NEB: variants seen among roughly 807,000 people sequenced by gnomAD.
NEB encodes the protein nebulin.
In NEB, 512 loss-of-function variants were observed where a neutral mutation model predicts 952.2. That is an observed-to-expected ratio of 0.54 (90% CI 0.50 to 0.58). The LOEUF is 0.58. Among genes scored for constraint, NEB ranks in the 20% least tolerant of loss-of-function variants. The pLI is 0.00. For missense variants in NEB, 8,428 were observed against 9,231.1 expected (o/e 0.91, Z 3.56); for synonymous variants, 2,900 against 3,149.8 (o/e 0.92, Z 2.66).
intron 77 of NEB, among the ~76,000 whole-genome samples, chr2:151,612,845 G>A (rs1426549357): frequency 6.6e-6 from 1 of 152,050 alleles, no homozygotes; most frequent in Non-Finnish European, 1.5e-5. Context: ...GTGTTTTTTT[G>A]GGGATAAAAA....
At chr2:151,515,265 C>T (rs2077034114) in intron 157 of NEB, among the ~76,000 whole-genome samples, 1 of 152,192 alleles carries the variant, frequency 6.6e-6, no homozygotes, top group African/African-American at 2.4e-5. Flanking sequence ...CCACACCTTT[C>T]TTAAGGTGAC....
intron 135 of NEB, among the ~76,000 whole-genome samples, chr2:151,543,602 G>A (rs550993536): frequency 3.3e-4 from 50 of 152,112 alleles, no homozygotes; most frequent in Non-Finnish European, 6.2e-4. Context: ...AGTAAATCTG[G>A]GACTAAAACC....
Position 151,697,604 on chromosome 2 carries a change from T to C in NEB, c.1197A>G (p.Ile399Met). The C allele has an allele frequency of 6.2e-7, 1 of 1,612,750 alleles. No homozygotes were observed. The highest frequency in any genetic ancestry group is 8.5e-7 in the Non-Finnish European group (1 of 1,179,640). The stretch of plus-strand genomic sequence containing the variant: ...TGAATTTGGGGGTCTCGCAGTAATT[T>C]ATGCTCTTTGCTTTTGTCTTTTCAT... ...ENYEKTKAKS[I>M]NYCETPKFKL... Residue 399 changes from isoleucine (I) to methionine (M), a missense_variant, in exon 14 of 182, where the codon ATA (isoleucine) becomes ATG (methionine). Transcript: ENST00000397345.
chr2:151,535,585 G>C (rs2093006359), intron 142 of NEB, 106 bp downstream of exon 142: 1 of 636,268 alleles, frequency 1.6e-6, no homozygotes, highest in East Asian at 3.0e-5. Context: ...TGAAAACTTA[G>C]GATGGCTTTC....
chr2:151,651,404 G>A (rs2099028011), intron 52 of NEB, among the ~76,000 whole-genome samples: 1 of 152,172 alleles, frequency 6.6e-6, no homozygotes, highest in African/African-American at 2.4e-5. Flanking sequence ...GAAGATACAT[G>A]ACTAAGTAAA....
rs770889470 is a variant in NEB, at chr2:151,514,864, G to A, written c.22970C>T (p.Thr7657Met). The change falls in exon 158 of 182, where the codon ACG becomes ATG. Residue 7657 changes from threonine to methionine, a missense_variant. By Grantham distance (81) the Thr-to-Met change is moderately conservative. Transcript: ENST00000397345. The part of the protein sequence containing the change: ...KGRNLTGLEV[T>M]PALLHVKYAT... ...ATATTTGACATGTAACAAAGCTGGCGTGACCTCCAGGCCAGTCAGGTTTCT... is the reference window on the plus strand; with the variant it reads ...ATATTTGACATGTAACAAAGCTGGCATGACCTCCAGGCCAGTCAGGTTTCT... 11 of 1,588,106 alleles carry A rather than the reference G, an allele frequency of 6.9e-6. No individual in the cohort carries two copies. In the East Asian group the frequency reaches 9.0e-5, roughly 13 times the overall value.
chr2:151,632,313 G>GAA (rs1164411443), intron 65 of NEB, among the ~76,000 whole-genome samples: 1 of 126,282 alleles, frequency 7.9e-6, no homozygotes, highest in Non-Finnish European at 1.8e-5. Flanking sequence ...TTGTAGTCTA[G>GAA]ACAAAAAAAA....
Position 151,497,617 on chromosome 2 carries a change from C to G in NEB, c.24300+9G>C. 1 of 1,561,778 alleles carries G rather than the reference C, an allele frequency of 6.4e-7. No individual in the cohort carries two copies. Among genetic ancestry groups the G allele is most frequent in the Non-Finnish European group, 8.7e-7 (1 of 1,151,338 alleles). ...AATAAGTAGTTTTTTTCTTTTCTTG[C>G]CAAAGTACCGAGCTAATATTTTCTT... On this transcript the variant is annotated intron_variant, in intron 171 of 181. Transcript: ENST00000397345.
At position 151,666,200 on chromosome 2, in the gene NEB, G is replaced by A; in HGVS notation, c.4921C>T (p.Gln1641Ter). 6.2e-7 allele frequency: 1 copy of A among 1,613,924 alleles called. No homozygotes were observed. The highest frequency in any genetic ancestry group is 8.5e-7 in the Non-Finnish European group (1 of 1,179,840). The change falls in exon 41 of 182, where the codon CAG becomes TAG. Residue 1641 changes from glutamine to a stop codon, truncating the protein, a stop_gained. Coordinates refer to ENST00000397345, the MANE Select transcript of NEB (RefSeq NM_001164508.2). LOFTEE classifies it high-confidence loss of function. ...TAGTTGGCGTTGGTGGCAACCTCCT[G>A]AGATTTCTTTGCAGCTGTCACACTG... ...MVSVTAAKKSQEVATNANYRQ... is the reference protein window; with the variant it reads ...MVSVTAAKKS
In NEB at chr2:151,538,324, G is replaced by T. The variant is rs2093527545; in HGVS notation, c.20893-80C>A. ...AGCTCTTTTAAGCATGAACTCTCTT[G>T]TCTTCTCTCTGGTTTTCCCATGAAT... is the stretch of plus-strand genomic sequence containing the variant. On this transcript the variant is annotated intron_variant, in intron 138 of 181. Coordinates refer to ENST00000397345, the MANE Select transcript of NEB (RefSeq NM_001164508.2). The T allele has an allele frequency of 9.5e-6, 10 of 1,051,798 alleles. No homozygotes were observed. The Admixed American group carries it at 1.3e-4, about 14-fold the overall frequency. The allele number at this position is 1,051,798 out of a possible 1,614,324, so 65.2% of individuals were successfully genotyped here. A position where few individuals can be genotyped will look rare whatever the true frequency, so the allele number is the denominator to read the frequency against.
chr2:151,577,846 T>C (rs555516873), intron 105 of NEB, among the ~76,000 whole-genome samples: 5 of 152,334 alleles, frequency 3.3e-5, no homozygotes, highest in Admixed American at 1.3e-4. Context: ...CCCAAAGTGC[T>C]GAGATTACAG....
intron 167 of NEB, among the ~76,000 whole-genome samples, chr2:151,501,947 T>C (rs1020931650): frequency 9.2e-5 from 14 of 152,336 alleles, no homozygotes; most frequent in South Asian, 2.1e-4. Flanking sequence ...AATTAATTTA[T>C]ATCTTACATA....
chr2:151,570,923 TG>T (rs1219684296), intron 107 of NEB, among the ~76,000 whole-genome samples: 1 of 152,202 alleles, frequency 6.6e-6, no homozygotes, highest in African/African-American at 2.4e-5. Context: ...AGGCATACAA[TG>T]GGTAATAGTC....
chr2:151,524,901 C>T (rs1046814702), intron 151 of NEB, among the ~76,000 whole-genome samples: 5 of 151,914 alleles, frequency 3.3e-5, no homozygotes, highest in African/African-American at 7.3e-5. Flanking sequence ...CTCCTGACCT[C>T]GTGATCTGCC....
chr2:151,719,167 TG>T (rs1273877484), intron 9 of NEB, among the ~76,000 whole-genome samples: 1 of 152,218 alleles, frequency 6.6e-6, no homozygotes, highest in Non-Finnish European at 1.5e-5. Context: ...TCCTCTTGAC[TG>T]TGAGCTCTGG....
At chr2:151,497,542 G>C in intron 171 of NEB, 84 bp downstream of exon 171, 1 of 1,503,394 alleles carries the variant, frequency 6.7e-7, no homozygotes, top group Non-Finnish European at 8.9e-7. Context: ...TCTTTAAAAA[G>C]TAGGATTAAT....
intron 4 of NEB, among the ~76,000 whole-genome samples, chr2:151,729,251 A>T (rs1377078961): frequency 1.3e-5 from 2 of 152,176 alleles, no homozygotes; most frequent in East Asian, 3.9e-4. Context: ...GCTTGTCCCT[A>T]TGCCAATCAC....
At position 151,679,963 on chromosome 2, in the gene NEB, C is replaced by T; in HGVS notation, c.3102G>A (p.Leu1034=). ...TAACTTTAGCCTGGATGAACTGGGG[C>T]AGGTCTGGTGGCAGGTTGTATTTGT... ...IIHKYNLPPD[L]PQFIQAKVNA... Residue 1034 remains leucine, a synonymous_variant, in exon 31 of 182, where the codon CTG becomes CTA. Coordinates refer to ENST00000397345, the MANE Select transcript of NEB (RefSeq NM_001164508.2). The T allele has an allele frequency of 1.9e-6, 3 of 1,613,816 alleles. No individual in the cohort carries two copies. The highest frequency in any genetic ancestry group is 2.5e-6 in the Non-Finnish European group (3 of 1,179,720).
At chr2:151,518,858 T>C (rs1005246259) in intron 155 of NEB, 107 bp downstream of exon 155, 1 of 703,232 alleles carries the variant, frequency 1.4e-6, no homozygotes, top group African/African-American at 1.8e-5. Flanking sequence ...AGTTTTGTAA[T>C]AAATCTAGGG....
Sources: allele counts gnomAD v4.1 joint callset (sites outside exome capture counted in the v4.1 genomes callset), GRCh38; gene constraint gnomAD v4.1.1; transcripts MANE v1.5; gene names NCBI Gene and HGNC (gene_info 2026-07-23, HGNC 2026-07-21).